The following TRRAP variants were observed in gnomAD, a reference collection of about 807,000 sequenced individuals.
TRRAP encodes transformation/transcription domain associated protein, also known as transformation/transcription domain-associated protein.
TRRAP carries 41 observed loss-of-function variants against 438.8 expected under a neutral mutation model. The ratio of observed to expected loss-of-function variants is 0.09; its 90% CI spans 0.07 to 0.12. The LOEUF is 0.12. TRRAP is among the 10% of genes least tolerant of loss of function. The pLI is 1.00. For missense variants in TRRAP, 3,122 were observed against 5,055.1 expected, an observed-to-expected ratio of 0.62 and a Z score of 11.60; for synonymous variants, 1,994 against 1,962.9, an observed-to-expected ratio of 1.02 and a Z score of -0.42.
chr7:98,963,446 C>T (rs1196738446), intron 47 of TRRAP, among the ~76,000 whole-genome samples: 5 of 152,212 alleles, frequency 3.3e-5, no homozygotes, highest in African/African-American at 9.6e-5. Flanking sequence ...TTGAGAAGGG[C>T]TGACCTCATG....
chr7:98,962,232 A>G lies in TRRAP; in HGVS notation c.6704-70A>G, dbSNP rs902254959. On this transcript the variant is annotated intron_variant, in intron 46 of 72. Coordinates refer to ENST00000456197, the MANE Select transcript of TRRAP (RefSeq NM_001375524.1). ...CCTGATACCCAAGCAGCCAGCACTC[A>G]GTCCCTGGCATCAGCACTGGTGGGC... 11 of 1,605,442 alleles carry G rather than the reference A, an allele frequency of 6.9e-6. No individual in the cohort carries two copies. The African/African-American group carries it at 1.2e-4, about 18-fold the overall frequency.
At position 98,988,870 on chromosome 7, in the gene TRRAP, G is replaced by A. The variant is rs770234248; in HGVS notation, c.9495G>A (p.Lys3165=). 6 of 1,614,194 alleles carry A rather than the reference G, an allele frequency of 3.7e-6. No homozygotes were observed. In the South Asian group the frequency reaches 6.6e-5, roughly 18 times the overall value. The change falls in exon 63 of 73, where the codon AAG becomes AAA. Residue 3165 remains lysine, a synonymous_variant. Transcript: ENST00000456197. ...ACTACCTGGAGAACATCTTTGTGAA[G>A]GAGCGGCAGCTGCACCTGGGCGTGT... ...WGDYLENIFV[K]ERQLHLGVSA... is the part of the protein sequence containing the mutation.
At chr7:98,893,117 G>A (rs1554405189) in intron 5 of TRRAP, among the ~76,000 whole-genome samples, 1 of 151,970 alleles carries the variant, frequency 6.6e-6, no homozygotes, top group Non-Finnish European at 1.5e-5. Context: ...ATGCCTAGCT[G>A]ATTTTTGTAT....
intron 11 of TRRAP, among the ~76,000 whole-genome samples, chr7:98,902,908 T>TA (rs34223624): frequency 0.045 from 5,968 of 132,128 alleles, 216 homozygotes; most frequent in Admixed American, 0.09. Context: ...CCCCCATTTC[T>TA]AAAAAAAAAA....
At chr7:99,002,264 T>C (rs1287757018) in intron 67 of TRRAP, among the ~76,000 whole-genome samples, 1 of 152,182 alleles carries the variant, frequency 6.6e-6, no homozygotes, top group African/African-American at 2.4e-5. Context: ...TGCGCATGCA[T>C]ACACACATGT....
chr7:98,909,976 T>C (rs1584297954), intron 14 of TRRAP, 80 bp from the exon 15 acceptor site: 1 of 1,480,758 alleles, frequency 6.8e-7, no homozygotes. Flanking sequence ...TCCCATCTTA[T>C]TTTACTGTGA....
intron 4 of TRRAP, among the ~76,000 whole-genome samples, chr7:98,891,203 ATTTTTT>A (rs869214006): frequency 7.8e-6 from 1 of 128,398 alleles, no homozygotes; most frequent in South Asian, 2.3e-4. Context: ...ATATATATAT[ATTTTTT>A]TTTTTTTTTT....
In TRRAP at chr7:98,994,738, C is replaced by G. The variant is rs376589891; in HGVS notation, c.10199C>G (p.Ser3400Cys). The G allele has an allele frequency of 1.2e-6, 2 of 1,614,238 alleles. No individual in the cohort carries two copies. Among genetic ancestry groups the G allele is most frequent in the African/African-American group, 2.7e-5 (2 of 75,060 alleles). Residue 3400 changes from serine to cysteine, a missense_variant, in exon 67 of 73, where the codon TCC (serine) becomes TGC (cysteine). By Grantham distance (112) the Ser-to-Cys change is moderately radical. This residue lies in a region of TRRAP where 107 missense variants were observed against 327.5 expected (regional missense o/e 0.33). Transcript: ENST00000456197. The surrounding 1 kb of genome is among the most constrained non-coding windows in gnomAD (Gnocchi z 4.8). ...TTTGGGGTGGGCCTGGAGAATGTGT[C>G]CAACGTCTCGACCATGTTCTCCAGC... ...STFGVGLENV[S>C]NVSTMFSSAA...
At position 98,961,464 on chromosome 7, in the gene TRRAP, A is replaced by G. The variant is rs748972562; in HGVS notation, c.6693A>G (p.Pro2231=). 3 of 1,614,006 alleles carry G rather than the reference A, an allele frequency of 1.9e-6. No individual in the cohort carries two copies. The highest frequency in any genetic ancestry group is 3.3e-5 in the Admixed American group (2 of 60,006). ...SLLSRLMSIF[P]TEPSTSSVAS... The stretch of plus-strand genomic sequence containing the variant: ...TCTCGCGCCTGATGAGCATTTTCCC[A>G]ACAGAGCCGAGTATGTGACCTTTCC... The change falls in exon 46 of 73, where the codon CCA becomes CCG. Residue 2231 remains proline (P), a synonymous_variant. Coordinates refer to ENST00000456197, the MANE Select transcript of TRRAP (RefSeq NM_001375524.1).
intron 23 of TRRAP, among the ~76,000 whole-genome samples, chr7:98,928,149 A>G (rs1465911365): frequency 6.6e-6 from 1 of 152,046 alleles, no homozygotes; most frequent in Non-Finnish European, 1.5e-5. Context: ...GAGGCAGGAG[A>G]ATCGCTTGAA....
In TRRAP at chr7:98,956,157, G is replaced by T. The variant is rs368903345; in HGVS notation, c.5949G>T (p.Pro1983=). Residue 1983 remains proline (P), a synonymous_variant, in exon 42 of 73, where the codon CCG becomes CCT. Transcript: ENST00000456197. The surrounding 1 kb of genome is among the most constrained non-coding windows in gnomAD (Gnocchi z 4.5). The stretch of plus-strand genomic sequence containing the variant: ...CCCTGCGTCCGCAGGTGTACTACCC[G>T]GTACGGCACCACTTGGTGCAGCACA... The part of the protein sequence containing the change: ...LIVQHFKVYY[P]VRHHLVQHMV... The T allele has an allele frequency of 2.5e-5, 41 of 1,611,760 alleles. No homozygotes were observed. The highest frequency in any genetic ancestry group is 3.4e-5 in the Non-Finnish European group (40 of 1,179,848).
Position 98,911,336 on chromosome 7 carries a change from T to C in TRRAP, c.2007+65T>C, listed in dbSNP as rs899505359. The C allele has an allele frequency of 9.9e-5, 138 of 1,399,564 alleles. No individual in the cohort carries two copies. In the East Asian group the frequency reaches 3.3e-3, roughly 33 times the overall value. 86.7% of individuals were successfully genotyped at this position (1,399,564 alleles called of 1,614,324 possible). On this transcript the variant is annotated intron_variant, in intron 17 of 72. Coordinates refer to ENST00000456197, the MANE Select transcript of TRRAP (RefSeq NM_001375524.1). Reference sequence around the variant, plus strand: ...TTCTTTGTTTATGTCTTAAATACTTTTTCATTTATTTCAAGGATTTTAAAA... The same window carrying C: ...TTCTTTGTTTATGTCTTAAATACTTCTTCATTTATTTCAAGGATTTTAAAA...
At position 99,004,421 on chromosome 7, in the gene TRRAP, T is replaced by C; in HGVS notation, c.10535+6T>C. On this transcript the variant is annotated splice_donor_region_variant and intron_variant, in intron 68 of 72. Transcript: ENST00000456197. ...TATTACATCAAGATTGCACGGTGAG[T>C]GGGCCAGCCTGGCAGGTGGAACTAA... is the stretch of plus-strand genomic sequence containing the variant. 6.2e-7 allele frequency: 1 copy of C among 1,609,688 alleles called. No homozygotes were observed. Among genetic ancestry groups the C allele is most frequent in the Non-Finnish European group, 8.5e-7 (1 of 1,176,856 alleles).
At chr7:98,910,644 G>T in intron 16 of TRRAP, 37 bp downstream of exon 16, 1 of 1,556,748 alleles carries the variant, frequency 6.4e-7, no homozygotes, top group South Asian at 1.2e-5. Context: ...TTCGCATATG[G>T]AAAGTACCTC....
intron 31 of TRRAP, among the ~76,000 whole-genome samples, chr7:98,944,668 T>C (rs1347222274): frequency 6.6e-6 from 1 of 152,248 alleles, no homozygotes; most frequent in Non-Finnish European, 1.5e-5. Flanking sequence ...GTTCAGCTCT[T>C]GAACTCTGAC....
rs1794111054 is a variant in TRRAP at position 99,005,297 on chromosome 7, C to A, written c.10702C>A (p.Pro3568Thr). The change falls in exon 69 of 73, where the codon CCC becomes ACC. Residue 3568 changes from proline to threonine, a missense_variant. This residue lies in a region of TRRAP where 95 missense variants were observed against 144.1 expected (regional missense o/e 0.66). Coordinates refer to ENST00000456197, the MANE Select transcript of TRRAP (RefSeq NM_001375524.1). The surrounding 1 kb of genome is among the most constrained non-coding windows in gnomAD (Gnocchi z 5.1). ...GTTGCAGCTGCTGCGTCTGCTGAACCCCTGTTTGGAGAAGAGAAAGGAGAC... is the reference window on the plus strand; with the variant it reads ...GTTGCAGCTGCTGCGTCTGCTGAACACCTGTTTGGAGAAGAGAAAGGAGAC... ...RVLQLLRLLNPCLEKRKETTK... is the reference protein window; with the variant it reads ...RVLQLLRLLNTCLEKRKETTK... 1 of 1,613,932 alleles carries A rather than the reference C, an allele frequency of 6.2e-7. No individual in the cohort carries two copies. Among genetic ancestry groups the A allele is most frequent in the Non-Finnish European group, 8.5e-7 (1 of 1,180,024 alleles).
chr7:98,889,641 A>G (rs1231156066), intron 3 of TRRAP, among the ~76,000 whole-genome samples: 9 of 150,422 alleles, frequency 6.0e-5, no homozygotes, highest in African/African-American at 2.2e-4. Context: ...TTGAACTCCC[A>G]GTCTGAAGTG....
chr7:98,889,497 T>A (rs948880501), intron 3 of TRRAP, among the ~76,000 whole-genome samples: 2 of 151,904 alleles, frequency 1.3e-5, no homozygotes, highest in Non-Finnish European at 2.9e-5. Flanking sequence ...ACCCAGAAAC[T>A]GCCCTAGTAT....
Position 98,892,414 on chromosome 7 carries a change from T to G in TRRAP, c.262-10T>G. On this transcript the variant is annotated splice_polypyrimidine_tract_variant and intron_variant, in intron 4 of 72. Coordinates refer to ENST00000456197, the MANE Select transcript of TRRAP (RefSeq NM_001375524.1). ...TTTTATCCTTACATTTATTTATTTT[T>G]TCTTGCCAGCAACTGCGGAAGCTCG... 6.2e-7 allele frequency: 1 copy of G among 1,605,462 alleles called. No homozygotes were observed. The highest frequency in any genetic ancestry group is 1.1e-5 in the South Asian group (1 of 90,068).
Sources: gnomAD v4.1 joint callset for allele counts (sites outside exome capture counted in the v4.1 genomes callset) on GRCh38, gnomAD v4.1.1 for gene constraint, gnomAD v4.1.1 regional missense constraint, Gnocchi (gnomAD v3.1) non-coding constraint, MANE v1.5 for transcripts, NCBI Gene and HGNC (gene_info 2026-07-23, HGNC 2026-07-21) for gene names.